DNAI7: variants seen among roughly 807,000 people sequenced by gnomAD.
The protein encoded by DNAI7 is dynein axonemal intermediate chain 7, also known as cancer susceptibility 1.
In DNAI7, 78 loss-of-function variants were observed where a neutral mutation model predicts 86.6. The observed-to-expected ratio is 0.90, with a 90% CI of 0.75 to 1.09. The LOEUF (loss-of-function observed/expected upper bound fraction) is 1.09. DNAI7 is among the 50% of genes least tolerant of loss of function. The pLI, the probability that DNAI7 is intolerant of heterozygous loss-of-function variation, is 0.00. For missense variants in DNAI7, 753 were observed against 810.2 expected, an observed-to-expected ratio of 0.93 and a Z score of 0.86; for synonymous variants, 274 against 273.0, an observed-to-expected ratio of 1.00 and a Z score of -0.04.
intron 1 of DNAI7, chr12:25,194,802 C>T: frequency 7.0e-7 from 1 of 1,426,290 alleles, no homozygotes. Context: ...GACCAATTTT[C>T]AAGCTTAGCA....
At chr12:25,170,937 A>G (rs1948068078) in intron 2 of DNAI7, among the ~76,000 whole-genome samples, 1 of 152,222 alleles carries the variant, frequency 6.6e-6, no homozygotes, top group Non-Finnish European at 1.5e-5. Context: ...AATGACAGTA[A>G]TGAAATTTCC....
chr12:25,178,475 C>T (rs1455384365), intron 2 of DNAI7, among the ~76,000 whole-genome samples: 2 of 152,046 alleles, frequency 1.3e-5, no homozygotes, highest in Non-Finnish European at 2.9e-5. Context: ...TTCTTCTTGA[C>T]ATATCAGATA....
intron 2 of DNAI7, among the ~76,000 whole-genome samples, chr12:25,181,313 C>T (rs1332320146): frequency 6.6e-6 from 1 of 151,936 alleles, no homozygotes; most frequent in East Asian, 1.9e-4. Flanking sequence ...GTGGGGGGGT[C>T]TCACTATGTT....
intron 7 of DNAI7, among the ~76,000 whole-genome samples, chr12:25,147,727 G>C (rs1463457793): frequency 1.3e-5 from 2 of 152,150 alleles, no homozygotes; most frequent in African/African-American, 2.4e-5. Flanking sequence ...ACCTTTCTCA[G>C]TCATAACATC....
At chr12:25,189,367 G>A (rs985329419) in intron 2 of DNAI7, among the ~76,000 whole-genome samples, 3 of 152,146 alleles carry the variant, frequency 2.0e-5, no homozygotes, top group Admixed American at 6.6e-5. Context: ...TAAGCCAGGC[G>A]CAGTGACTCA....
At chr12:25,165,382 T>C (rs909010427) in intron 2 of DNAI7, among the ~76,000 whole-genome samples, 12 of 152,320 alleles carry the variant, frequency 7.9e-5, no homozygotes, top group African/African-American at 2.6e-4. Context: ...CTGCAGCTGC[T>C]GGGGTTACTC....
chr12:25,179,358 T>C (rs996331542), intron 2 of DNAI7, among the ~76,000 whole-genome samples: 3 of 152,202 alleles, frequency 2.0e-5, no homozygotes, highest in East Asian at 3.8e-4. Context: ...GTGTTCTAAA[T>C]ATGTTTAATT....
chr12:25,146,054 C>T (rs2140876028), intron 8 of DNAI7, among the ~76,000 whole-genome samples: 1 of 151,624 alleles, frequency 6.6e-6, no homozygotes, highest in African/African-American at 2.4e-5. Flanking sequence ...GAAACCACGT[C>T]TCTACTAAAA....
intron 8 of DNAI7, among the ~76,000 whole-genome samples, chr12:25,145,215 C>A (rs577494418): frequency 6.6e-6 from 1 of 152,148 alleles, no homozygotes; most frequent in African/African-American, 2.4e-5. Context: ...AAGTGAAGAA[C>A]CATTGGTCTA....
intron 1 of DNAI7, chr12:25,192,899 G>C (rs536063164): frequency 6.7e-6 from 1 of 149,146 alleles, no homozygotes; most frequent in South Asian, 2.1e-4. Flanking sequence ...TGTAATCCCA[G>C]CATTTTGGGA....
At chr12:25,174,505 A>G (rs1359161731) in intron 2 of DNAI7, among the ~76,000 whole-genome samples, 1 of 118,726 alleles carries the variant, frequency 8.4e-6, no homozygotes, top group African/African-American at 3.1e-5. Context: ...TCCCATATAT[A>G]TGGGATATAT....
At chr12:25,186,024 T>C (rs1011537886) in intron 2 of DNAI7, among the ~76,000 whole-genome samples, 2 of 152,228 alleles carry the variant, frequency 1.3e-5, no homozygotes, top group Non-Finnish European at 2.9e-5. Flanking sequence ...AGAAAAGTCA[T>C]AAATTATTAA....
chr12:25,152,355 C>T (rs530890475), intron 6 of DNAI7, among the ~76,000 whole-genome samples: 95 of 152,282 alleles, frequency 6.2e-4, no homozygotes, highest in South Asian at 5.6e-3. Flanking sequence ...TAAATGCCAA[C>T]GGCAAATGAT....
chr12:25,107,151 C>A, downstream of DNAI7: 1 of 506,774 alleles, frequency 2.0e-6, no homozygotes, highest in Non-Finnish European at 3.4e-6. Flanking sequence ...AAAGACATGC[C>A]AAATTGTTGT....
intron 9 of DNAI7, among the ~76,000 whole-genome samples, chr12:25,139,849 T>A (rs1943979382): frequency 1.3e-5 from 2 of 152,126 alleles, no homozygotes; most frequent in Non-Finnish European, 2.9e-5. Context: ...AAGTATATAA[T>A]AATAAATACA....
chr12:25,144,174 A>G (rs1944538933), intron 9 of DNAI7, among the ~76,000 whole-genome samples, 191 bp downstream of exon 9: 1 of 152,222 alleles, frequency 6.6e-6, no homozygotes. Flanking sequence ...TGTTGAAGCT[A>G]GTGGCTCAAC....
chr12:25,145,867 T>C (rs73069133), intron 8 of DNAI7, among the ~76,000 whole-genome samples: 3,112 of 152,296 alleles, frequency 0.02, 56 homozygotes, highest in South Asian at 0.069. Context: ...CAGAAAGATG[T>C]TTCTTTGTTG....
chr12:25,181,736 CAA>C (rs1030962335), intron 2 of DNAI7, among the ~76,000 whole-genome samples: 3 of 151,924 alleles, frequency 2.0e-5, no homozygotes, highest in Admixed American at 6.5e-5. Flanking sequence ...AGATACTTCT[CAA>C]AAGAGGACAT....
chr12:25,141,842 A>C (rs1944233262), intron 9 of DNAI7, among the ~76,000 whole-genome samples: 1 of 152,128 alleles, frequency 6.6e-6, no homozygotes, highest in South Asian at 2.1e-4. Flanking sequence ...AAAAAGAAAA[A>C]AAAAAGGCCA....
Sources: allele counts gnomAD v4.1 joint callset (sites outside exome capture counted in the v4.1 genomes callset), GRCh38; gene constraint gnomAD v4.1.1; transcripts MANE v1.5; gene names NCBI Gene and HGNC (gene_info 2026-07-23, HGNC 2026-07-21).